NEDD4L: variants seen among roughly 807,000 people sequenced by gnomAD.
The protein encoded by NEDD4L is E3 ubiquitin-protein ligase NEDD4-like.
A neutral mutation model predicts 148.9 loss-of-function variants in NEDD4L; 54 were observed. That is an observed-to-expected ratio of 0.36 (90% CI 0.29 to 0.45). NEDD4L has a LOEUF of 0.45. Among genes scored for constraint, NEDD4L ranks in the 20% least tolerant of loss-of-function variants. The pLI, the probability that NEDD4L is intolerant of heterozygous loss-of-function variation, is 1.00. For missense variants in NEDD4L, 856 were observed against 1,233.8 expected (o/e 0.69, Z 4.59); for synonymous variants, 433 against 440.7 (o/e 0.98, Z 0.22).
chr18:58,098,489 T>A (rs2084562975), intron 1 of NEDD4L, among the ~76,000 whole-genome samples: 1 of 152,166 alleles, frequency 6.6e-6, no homozygotes, highest in Non-Finnish European at 1.5e-5. Context: ...GAGGTGTGAA[T>A]TCTCGAGGCC....
chr18:58,145,905 A>T (rs77060043), intron 1 of NEDD4L, among the ~76,000 whole-genome samples: 48,972 of 151,436 alleles, frequency 0.32, 8,115 homozygotes, highest in African/African-American at 0.35. Flanking sequence ...ACATTTTTTT[A>T]AAATTGGCAT....
intron 1 of NEDD4L, among the ~76,000 whole-genome samples, chr18:58,082,925 G>A (rs1404929685): frequency 6.6e-6 from 1 of 152,120 alleles, no homozygotes. Context: ...TACAAATAAG[G>A]TGATGGGAAG....
At chr18:58,288,278 A>G (rs1027127800) in intron 5 of NEDD4L, among the ~76,000 whole-genome samples, 1 of 152,246 alleles carries the variant, frequency 6.6e-6, no homozygotes, top group Non-Finnish European at 1.5e-5. Context: ...TGCTTTTTAA[A>G]TGTAATCTGT....
chr18:58,076,266 T>G (rs1383257685), intron 1 of NEDD4L, among the ~76,000 whole-genome samples: 1 of 152,182 alleles, frequency 6.6e-6, no homozygotes, highest in Non-Finnish European at 1.5e-5. Flanking sequence ...TTGCATAAAC[T>G]AATCTGGGGA....
chr18:58,381,827 C>T (rs921172700), intron 24 of NEDD4L, among the ~76,000 whole-genome samples: 6 of 152,050 alleles, frequency 3.9e-5, no homozygotes, highest in Admixed American at 3.3e-4. Context: ...TAGAAACATC[C>T]CCACCCCACC....
intron 6 of NEDD4L, among the ~76,000 whole-genome samples, chr18:58,320,134 G>A (rs1253467999): frequency 6.6e-6 from 1 of 152,136 alleles, no homozygotes; most frequent in African/African-American, 2.4e-5. Flanking sequence ...TCTAAGCTCC[G>A]TGGTTTTCCC....
chr18:58,310,343 A>G (rs1314341501), intron 5 of NEDD4L, among the ~76,000 whole-genome samples: 1 of 152,242 alleles, frequency 6.6e-6, no homozygotes, highest in Non-Finnish European at 1.5e-5. Flanking sequence ...ATTAAATGGC[A>G]GAGGAGCTGG....
chr18:58,321,647 C>T (rs2058785418), intron 6 of NEDD4L, among the ~76,000 whole-genome samples: 1 of 152,238 alleles, frequency 6.6e-6, no homozygotes, highest in Admixed American at 6.5e-5. Context: ...TGCACGCGCA[C>T]ACAAACCTGA....
At chr18:58,128,569 TC>T (rs773263592) in intron 1 of NEDD4L, among the ~76,000 whole-genome samples, 7 of 152,182 alleles carry the variant, frequency 4.6e-5, no homozygotes, top group Non-Finnish European at 1.0e-4. Flanking sequence ...TTGTCCCTCT[TC>T]CATTGGATAC....
At chr18:58,360,839 TA>T (rs945752751) in intron 19 of NEDD4L, among the ~76,000 whole-genome samples, 1 of 152,086 alleles carries the variant, frequency 6.6e-6, no homozygotes, top group Non-Finnish European at 1.5e-5. Context: ...GAGGCTTTTG[TA>T]AGTCCTGACC....
chr18:58,154,036 C>T (rs1218224487), intron 1 of NEDD4L, among the ~76,000 whole-genome samples: 1 of 152,162 alleles, frequency 6.6e-6, no homozygotes, highest in Non-Finnish European at 1.5e-5. Context: ...ACATTAATTT[C>T]AAGTTACAGA....
At chr18:58,246,731 C>T (rs1392364552) in intron 3 of NEDD4L, among the ~76,000 whole-genome samples, 3 of 152,168 alleles carry the variant, frequency 2.0e-5, no homozygotes, top group Non-Finnish European at 2.9e-5. Context: ...TCCCAAAGTG[C>T]TGGGAATACA....
chr18:58,308,902 G>A (rs142878598), intron 5 of NEDD4L, among the ~76,000 whole-genome samples: 1 of 152,192 alleles, frequency 6.6e-6, no homozygotes, highest in African/African-American at 2.4e-5. Flanking sequence ...CTGACAAGAA[G>A]CGTCCCTGAG....
intron 1 of NEDD4L, among the ~76,000 whole-genome samples, chr18:58,113,171 C>T (rs2085523913): frequency 6.6e-6 from 1 of 152,200 alleles, no homozygotes; most frequent in African/African-American, 2.4e-5. Context: ...AACTTAAAGG[C>T]AGCTTCTAAA....
intron 5 of NEDD4L, among the ~76,000 whole-genome samples, chr18:58,290,478 G>A (rs1351970102): frequency 6.6e-6 from 1 of 152,122 alleles, no homozygotes; most frequent in East Asian, 1.9e-4. Flanking sequence ...AAGCTTGGAG[G>A]TTACTCCGAA....
At chr18:58,155,132 T>A (rs1052018572) in intron 1 of NEDD4L, among the ~76,000 whole-genome samples, 2 of 152,228 alleles carry the variant, frequency 1.3e-5, no homozygotes. Context: ...CCTAAAGTTC[T>A]TGTTTGTTTT....
chr18:58,070,590 T>C (rs2082815219), intron 1 of NEDD4L, among the ~76,000 whole-genome samples: 3 of 152,168 alleles, frequency 2.0e-5, no homozygotes, highest in African/African-American at 7.2e-5. Flanking sequence ...GAGAAGGCTC[T>C]ACCTTCTCTG....
At chr18:58,279,982 C>G (rs1214168722) in intron 5 of NEDD4L, among the ~76,000 whole-genome samples, 1 of 152,190 alleles carries the variant, frequency 6.6e-6, no homozygotes, top group Non-Finnish European at 1.5e-5. Flanking sequence ...GTTCCAACCC[C>G]TTCCATCCCT....
intron 1 of NEDD4L, among the ~76,000 whole-genome samples, chr18:58,157,163 G>A (rs1428918777): frequency 6.7e-6 from 1 of 149,680 alleles, no homozygotes; most frequent in Non-Finnish European, 1.5e-5. Flanking sequence ...ACTCCAGCCG[G>A]GGCAACAGCT....
Sources: allele counts gnomAD v4.1 joint callset (sites outside exome capture counted in the v4.1 genomes callset), GRCh38; gene constraint gnomAD v4.1.1; transcripts MANE v1.5; gene names NCBI Gene and HGNC (gene_info 2026-07-23, HGNC 2026-07-21).